PMFBP1: variants seen among roughly 807,000 people sequenced by gnomAD.
PMFBP1 encodes polyamine-modulated factor 1-binding protein 1.
In PMFBP1, 131 loss-of-function variants were observed where a neutral mutation model predicts 137.8. The observed-to-expected ratio is 0.95, with a 90% CI of 0.82 to 1.10. The LOEUF (loss-of-function observed/expected upper bound fraction) is 1.10. Among genes scored for constraint, PMFBP1 ranks in the 50% least tolerant of loss-of-function variants. PMFBP1 has a pLI of 0.00. For synonymous variants in PMFBP1, 490 were observed against 450.4 expected (o/e 1.09, Z -1.11); for missense variants, 1,199 against 1,175.4 (o/e 1.02, Z -0.29).
chr16:72,211,379 T>A, the PMFBP1 span, among the ~76,000 whole-genome samples: 1 of 152,192 alleles, frequency 6.6e-6, no homozygotes, highest in Non-Finnish European at 1.5e-5. Flanking sequence ...CCCTAGGGAC[T>A]AAACTTCCCC....
At position 72,150,794 on chromosome 16, in the gene PMFBP1, G is replaced by A. The variant is rs369630447; in HGVS notation, c.450C>T (p.Asn150=). The A allele has an allele frequency of 6.1e-5, 98 of 1,613,922 alleles. No homozygotes were observed. Among genetic ancestry groups the A allele is most frequent in the African/African-American group, 5.9e-4 (44 of 74,888 alleles). The stretch of plus-strand genomic sequence containing the variant: ...AATGGAGCTTCTCCCCTGTGTTCTC[G>A]TTGTGATTTCCCATTTCCTCCTCAT... ...ILYEEEMGNH[N]ENTGEKLHLA... Residue 150 remains asparagine (N), a synonymous_variant, in exon 5 of 21, where the codon AAC becomes AAT. Coordinates refer to ENST00000237353, the MANE Select transcript of PMFBP1 (RefSeq NM_031293.3).
At chr16:72,175,791 G>A (rs1176459185), upstream of PMFBP1, among the ~76,000 whole-genome samples, 1 of 152,140 alleles carries the variant, frequency 6.6e-6, no homozygotes, top group East Asian at 1.9e-4. Context: ...AAAGTGTGAT[G>A]AATCTTAGAG....
the PMFBP1 span, among the ~76,000 whole-genome samples, chr16:72,242,226 G>A: frequency 1.3e-5 from 2 of 152,252 alleles, no homozygotes; most frequent in African/African-American, 4.8e-5. Flanking sequence ...GCAAGACAAT[G>A]AGGGGACTGG....
chr16:72,130,392 T>C, intron 11 of PMFBP1, 35 bp from the exon 12 acceptor site: 1 of 1,613,820 alleles, frequency 6.2e-7, no homozygotes, highest in African/African-American at 1.3e-5. Flanking sequence ...AGGACAGACT[T>C]CAGTGCCCAT....
chr16:72,183,794 C>T, the PMFBP1 span, among the ~76,000 whole-genome samples: 27 of 152,138 alleles, frequency 1.8e-4, no homozygotes, highest in Non-Finnish European at 1.0e-4. Flanking sequence ...CTTCTCTCTC[C>T]TCTCTGCCCC....
chr16:72,239,617 G>A, the PMFBP1 span, among the ~76,000 whole-genome samples: 1 of 151,930 alleles, frequency 6.6e-6, no homozygotes, highest in Non-Finnish European at 1.5e-5. Flanking sequence ...CTGTTGGCTG[G>A]GCGCAGTGGC....
At chr16:72,126,383 G>T (rs1354930110) in intron 14 of PMFBP1, among the ~76,000 whole-genome samples, 1 of 152,224 alleles carries the variant, frequency 6.6e-6, no homozygotes, top group Non-Finnish European at 1.5e-5. Flanking sequence ...TACCAGCGGT[G>T]CTGGGGCATG....
At chr16:72,134,128 T>C (rs183988408) in intron 9 of PMFBP1, among the ~76,000 whole-genome samples, 1 of 152,216 alleles carries the variant, frequency 6.6e-6, no homozygotes, top group Admixed American at 6.5e-5. Flanking sequence ...CTTCCAAGTA[T>C]ATTTTCCCTC....
the PMFBP1 span, among the ~76,000 whole-genome samples, chr16:72,230,646 T>C: frequency 1.3e-5 from 2 of 152,166 alleles, no homozygotes; most frequent in East Asian, 1.9e-4. Flanking sequence ...AGCCAAACAC[T>C]TGGGAGTCAT....
At chr16:72,214,408 A>G in the PMFBP1 span, among the ~76,000 whole-genome samples, 3 of 152,196 alleles carry the variant, frequency 2.0e-5, no homozygotes, top group African/African-American at 7.2e-5. Flanking sequence ...ATCCTCTGAC[A>G]TTGTGATCCA....
At chr16:72,208,251 C>T in the PMFBP1 span, among the ~76,000 whole-genome samples, 1 of 152,168 alleles carries the variant, frequency 6.6e-6, no homozygotes, top group African/African-American at 2.4e-5. Flanking sequence ...ATGAAGTTAG[C>T]TTGTGGAAGG....
At position 72,130,683 on chromosome 16, in the gene PMFBP1, G is replaced by A. The variant is rs1394751967; in HGVS notation, c.1487C>T (p.Ala496Val). 1 of 1,613,578 alleles carries A rather than the reference G, an allele frequency of 6.2e-7. No homozygotes were observed. The highest frequency in any genetic ancestry group is 1.3e-5 in the African/African-American group (1 of 74,986). The part of the protein sequence containing the change: ...AAQCKEEAAL[A>V]GCHLEDTQRK... Reference sequence around the variant, plus strand: ...CTGGGTGTCCTCCAGGTGACAGCCTGCCAGTGCAGCCTCTTCTTTGCACTG... The same window carrying A: ...CTGGGTGTCCTCCAGGTGACAGCCTACCAGTGCAGCCTCTTCTTTGCACTG... Residue 496 changes from alanine to valine, a missense_variant, in exon 11 of 21, where the codon GCA becomes GTA. By Grantham distance (64) the Ala-to-Val change is moderately conservative. Transcript: ENST00000237353.
chr16:72,207,709 C>CGTGTGTGTGT, the PMFBP1 span, among the ~76,000 whole-genome samples: 2 of 94,540 alleles, frequency 2.1e-5, no homozygotes, highest in African/African-American at 5.7e-5. Flanking sequence ...ACCAGTAGGG[C>CGTGTGTGTGT]ATGTGTGTGT....
chr16:72,192,451 T>C, the PMFBP1 span, among the ~76,000 whole-genome samples: 1 of 152,212 alleles, frequency 6.6e-6, no homozygotes, highest in African/African-American at 2.4e-5. Flanking sequence ...AGAGTGTTAA[T>C]TGCCTTTTTT....
the PMFBP1 span, among the ~76,000 whole-genome samples, chr16:72,198,496 G>A: frequency 1.4e-4 from 21 of 152,032 alleles, no homozygotes; most frequent in African/African-American, 4.8e-4. Context: ...GCTGGATCCC[G>A]CACATCCCCC....
chr16:72,187,374 G>T, the PMFBP1 span, among the ~76,000 whole-genome samples: 4 of 152,158 alleles, frequency 2.6e-5, no homozygotes, highest in Non-Finnish European at 4.4e-5. Context: ...TCAAGTCATA[G>T]GGATGGGGAA....
At chr16:72,145,059 C>T (rs1597475610) in intron 5 of PMFBP1, among the ~76,000 whole-genome samples, 1 of 152,276 alleles carries the variant, frequency 6.6e-6, no homozygotes, top group African/African-American at 2.4e-5. Flanking sequence ...ACTCTCCACC[C>T]CAAATCAACA....
chr16:72,130,735 G>A lies in PMFBP1; in HGVS notation c.1448-13C>T. On this transcript the variant is annotated splice_polypyrimidine_tract_variant and intron_variant, in intron 10 of 20. Coordinates refer to ENST00000237353, the MANE Select transcript of PMFBP1 (RefSeq NM_031293.3). ...GCTGCTTGCTGAGCTGCAGAAGCAG[G>A]GAGATGGCCATGTGAGAAGGGAGGG... The A allele has an allele frequency of 1.2e-6, 2 of 1,602,896 alleles. No homozygotes were observed. Among genetic ancestry groups the A allele is most frequent in the Non-Finnish European group, 1.7e-6 (2 of 1,176,372 alleles).
the PMFBP1 span, among the ~76,000 whole-genome samples, chr16:72,233,440 T>C: frequency 6.6e-6 from 1 of 152,174 alleles, no homozygotes; most frequent in Non-Finnish European, 1.5e-5. Context: ...TCTGAACAAA[T>C]ATGCAACAGA....
Sources: allele counts gnomAD v4.1 joint callset (sites outside exome capture counted in the v4.1 genomes callset), GRCh38; gene constraint gnomAD v4.1.1; transcripts MANE v1.5; gene names NCBI Gene and HGNC (gene_info 2026-07-23, HGNC 2026-07-21).